The following ADAMTS16 variants were observed in gnomAD, a reference collection of about 807,000 sequenced individuals.
ADAMTS16 encodes A disintegrin and metalloproteinase with thrombospondin motifs 16.
ADAMTS16 carries 94 observed loss-of-function variants against 145.8 expected under a neutral mutation model. The ratio of observed to expected loss-of-function variants is 0.64; its 90% CI spans 0.55 to 0.77. The LOEUF (loss-of-function observed/expected upper bound fraction) is 0.77, where lower values mean the gene tolerates loss of function less well. Among genes scored for constraint, ADAMTS16 ranks in the 30% least tolerant of loss-of-function variants. The probability of loss-of-function intolerance (pLI) is 0.00; values close to 1 mark genes in which losing one functional copy is unlikely to be tolerated. For synonymous variants in ADAMTS16, 659 were observed against 604.3 expected, an observed-to-expected ratio of 1.09 and a Z score of -1.33; for missense variants, 1,585 against 1,591.5, an observed-to-expected ratio of 1.00 and a Z score of 0.07.
intron 14 of ADAMTS16, among the ~76,000 whole-genome samples, chr5:5,237,991 A>G (rs1355099477): frequency 6.6e-6 from 1 of 152,180 alleles, no homozygotes; most frequent in Non-Finnish European, 1.5e-5. Flanking sequence ...ACGGAGTCCA[A>G]AAACATCTTT....
At chr5:5,253,292 A>C (rs1290014292) in intron 17 of ADAMTS16, among the ~76,000 whole-genome samples, 1 of 152,242 alleles carries the variant, frequency 6.6e-6, no homozygotes, top group Admixed American at 6.5e-5. Flanking sequence ...TGTAAGATGT[A>C]CATTGGTACA....
Position 5,270,195 on chromosome 5 carries a change from G to A in ADAMTS16, c.2789+7412G>A, listed in dbSNP as rs527648907. On this transcript the variant is annotated intron_variant, in intron 18 of 22. Coordinates refer to ENST00000274181, the MANE Select transcript of ADAMTS16 (RefSeq NM_139056.4). ...GCCCACAAATAGCCAGGGCCTGATC[G>A]CACATGGAGCTTAGTAAATTTCTGT... 5.9e-5 allele frequency among the ~76,000 whole-genome samples: 9 copies of A among 152,252 alleles called. No homozygotes were observed. In the East Asian group the frequency reaches 9.7e-4, roughly 16 times the overall value.
intron 13 of ADAMTS16, among the ~76,000 whole-genome samples, chr5:5,236,557 T>C (rs577640630): frequency 6.6e-6 from 1 of 152,340 alleles, no homozygotes; most frequent in South Asian, 2.1e-4. Flanking sequence ...AGTGATGTTT[T>C]TGATTCTTTT....
At chr5:5,300,193 T>C (rs1021853306) in intron 18 of ADAMTS16, among the ~76,000 whole-genome samples, 5 of 152,156 alleles carry the variant, frequency 3.3e-5, no homozygotes, top group Non-Finnish European at 7.3e-5. Flanking sequence ...AGAATACCCA[T>C]TGTAATTTAT....
intron 18 of ADAMTS16, among the ~76,000 whole-genome samples, chr5:5,270,317 A>G (rs570042730): frequency 3.9e-5 from 6 of 152,278 alleles, no homozygotes; most frequent in Admixed American, 3.3e-4. Context: ...GGTTATGTCC[A>G]TGGGCCAGAG....
At chr5:5,291,061 C>T (rs1739292914) in intron 18 of ADAMTS16, among the ~76,000 whole-genome samples, 1 of 152,188 alleles carries the variant, frequency 6.6e-6, no homozygotes, top group Non-Finnish European at 1.5e-5. Context: ...TCTAAAATTT[C>T]TCAATAGTTC....
intron 21 of ADAMTS16, among the ~76,000 whole-genome samples, chr5:5,307,757 A>G (rs1740239635): frequency 1.3e-5 from 2 of 152,162 alleles, no homozygotes; most frequent in Admixed American, 6.5e-5. Context: ...GCACAGAGTC[A>G]GCTCCCACAG....
chr5:5,152,404 G>T (rs994254801), intron 3 of ADAMTS16, among the ~76,000 whole-genome samples: 2 of 152,180 alleles, frequency 1.3e-5, no homozygotes, highest in Admixed American at 6.5e-5. Flanking sequence ...CATTGCTGTC[G>T]GCCTGATAAG....
In ADAMTS16 at chr5:5,140,476, C is replaced by CCG. The variant is rs765805259; in HGVS notation, c.18_19dup (p.Gly7AlafsTer96). 6.6e-7 allele frequency: 1 copy of CCG among 1,514,028 alleles called. No homozygotes were observed. Among genetic ancestry groups the CCG allele is most frequent in the Non-Finnish European group, 8.8e-7 (1 of 1,140,532 alleles). The allele number at this position is 1,514,028 out of a possible 1,614,324, so 93.8% of individuals were successfully genotyped here. On this transcript the variant is annotated frameshift_variant, in exon 1 of 23. Transcript: ENST00000274181. LOFTEE classifies it high-confidence loss of function. ...CCTCGGAGCGCTCCTGGATGAAGCC[C>CCG]CGCGCGCGCGGATGGCGGGGCTTGG... is the stretch of plus-strand genomic sequence containing the variant.
rs1740363994 is a variant in ADAMTS16, at chr5:5,310,165, C to T, written c.3411+3437C>T. On this transcript the variant is annotated intron_variant, in intron 21 of 22. Transcript: ENST00000274181. The surrounding 1 kb of genome is among the most constrained non-coding windows in gnomAD (Gnocchi z 4.3). ...GCCAAGCATCCCCCAAATGCTTGGT[C>T]AGATGGAACCATTTGTCCCTGACGA... 6.6e-6 allele frequency among the ~76,000 whole-genome samples: 1 copy of T among 152,110 alleles called. No individual in the cohort carries two copies. The highest frequency in any genetic ancestry group is 2.4e-5 in the African/African-American group (1 of 41,422).
intron 18 of ADAMTS16, among the ~76,000 whole-genome samples, chr5:5,265,985 AGTGTGTGTGTGT>A (rs71604122): frequency 0.01 from 1,474 of 141,468 alleles, 16 homozygotes; most frequent in East Asian, 0.038. Flanking sequence ...GACTTAAAGA[AGTGTGTGTGTGT>A]GTGTGTGTGT....
Position 5,319,241 on chromosome 5 carries a change from A to G in ADAMTS16, c.*103A>G, listed in dbSNP as rs1347071918. ...TCGGAATACATCCAAGGAAGAGCAA[A>G]GCCAAAAGAAGAAAACCGTGTTAGG... On this transcript the variant is annotated 3_prime_UTR_variant, in exon 23 of 23. Transcript: ENST00000274181. The G allele has an allele frequency of 1.2e-6, 1 of 854,686 alleles. No individual in the cohort carries two copies. The allele number at this position is 854,686 out of a possible 1,614,324, so 52.9% of individuals were successfully genotyped here.
intron 17 of ADAMTS16, among the ~76,000 whole-genome samples, chr5:5,247,332 T>C (rs915582884): frequency 1.3e-5 from 2 of 152,084 alleles, no homozygotes; most frequent in African/African-American, 4.8e-5. Context: ...TAAGTCCCTA[T>C]AAATTACAAA....
intron 18 of ADAMTS16, among the ~76,000 whole-genome samples, chr5:5,272,100 C>A (rs1010866076): frequency 6.6e-6 from 1 of 152,074 alleles, no homozygotes; most frequent in Admixed American, 6.6e-5. Flanking sequence ...ATACTAATCA[C>A]CCAGTAATGC....
At chr5:5,267,445 T>G (rs1300611928) in intron 18 of ADAMTS16, among the ~76,000 whole-genome samples, 1 of 152,046 alleles carries the variant, frequency 6.6e-6, no homozygotes, top group East Asian at 1.9e-4. Context: ...GCGAGGTGAA[T>G]GGGGAGCCAG....
At chr5:5,262,056 A>G (rs780461349) in intron 17 of ADAMTS16, among the ~76,000 whole-genome samples, 1 of 152,252 alleles carries the variant, frequency 6.6e-6, no homozygotes, top group Non-Finnish European at 1.5e-5. Flanking sequence ...TTGAACAAAT[A>G]TAGGAATGTT....
At chr5:5,300,708 A>G (rs913257137) in intron 18 of ADAMTS16, among the ~76,000 whole-genome samples, 12 of 152,172 alleles carry the variant, frequency 7.9e-5, no homozygotes, top group Non-Finnish European at 1.3e-4. Flanking sequence ...AGTAGCATCA[A>G]TTTCCCTCTC....
intron 16 of ADAMTS16, among the ~76,000 whole-genome samples, chr5:5,241,550 C>T (rs1013710793): frequency 1.3e-5 from 2 of 152,136 alleles, no homozygotes. Context: ...TTTGAATTCA[C>T]CAGGAAGCAT....
At chr5:5,262,021 G>A (rs1331115694) in intron 17 of ADAMTS16, among the ~76,000 whole-genome samples, 1 of 152,048 alleles carries the variant, frequency 6.6e-6, no homozygotes, top group African/African-American at 2.4e-5. Flanking sequence ...AAATCCCTTT[G>A]GGATAAATTT....
Sources: allele counts gnomAD v4.1 joint callset (sites outside exome capture counted in the v4.1 genomes callset), GRCh38; gene constraint gnomAD v4.1.1; non-coding constraint Gnocchi (gnomAD v3.1); transcripts MANE v1.5; gene names NCBI Gene and HGNC (gene_info 2026-07-23, HGNC 2026-07-21).